Variants in MRC1 observed in about 807,000 individuals in gnomAD.
The protein encoded by MRC1 is mannose receptor C-type 1.
Under a neutral mutation model 102.9 loss-of-function variants are expected in MRC1, and 62 were observed. That is an observed-to-expected ratio of 0.60 (90% CI 0.49 to 0.74). The LOEUF is 0.74. Ranked by LOEUF, MRC1 falls within the 30% of genes least tolerant of loss-of-function variation. The pLI, the probability that MRC1 is intolerant of heterozygous loss-of-function variation, is 0.00. For missense variants in MRC1, 1,237 were observed against 862.8 expected (o/e 1.43, Z -5.43); for synonymous variants, 457 against 298.4 (o/e 1.53, Z -5.48).
At chr10:17,879,520 A>AT (rs1335359817) in intron 18 of MRC1, among the ~76,000 whole-genome samples, 6 of 151,566 alleles carry the variant, frequency 4.0e-5, no homozygotes, top group Non-Finnish European at 8.8e-5. Context: ...TGCCTGGCTA[A>AT]TTTTTTTTTA....
rs570875637 is a variant in MRC1 at position 17,815,688 on chromosome 10, A to G, written c.61+6162A>G. On this transcript the variant is annotated intron_variant, in intron 1 of 29. Transcript: ENST00000569591. ...GTCAGACCCATACTGGGTTCATATT[A>G]TGTACTTTTCCAAATGGCCAGTTGC... is the stretch of plus-strand genomic sequence containing the variant. Among the ~76,000 whole-genome samples the G allele has an allele frequency of 8.2e-3, 1,255 of 152,256 alleles. 24 individuals carry two copies. The highest frequency in any genetic ancestry group is 0.029 in the African/African-American group (1,205 of 41,534).
chr10:17,826,510 C>T (rs1554838666), intron 2 of MRC1, among the ~76,000 whole-genome samples: 1 of 136,140 alleles, frequency 7.3e-6, no homozygotes, highest in Non-Finnish European at 1.6e-5. Flanking sequence ...TTTTTCAAGT[C>T]GTAGAATCTG....
In MRC1 at chr10:17,823,339, G is replaced by T. The variant is rs781790477; in HGVS notation, c.327G>T (p.Gly109=). 7.7e-6 allele frequency: 6 copies of T among 780,848 alleles called. No homozygotes were observed. In the South Asian group the frequency reaches 8.0e-5, roughly 10 times the overall value. 48.4% of individuals were successfully genotyped at this position (780,848 alleles called of 1,614,324 possible). ...AGTGCAAAAATGACACACTTTTGGG[G>T]ATCAAAGGAGAAGATTTATTTTTTA... ...KWECKNDTLL[G]IKGEDLFFNY... is the part of the protein sequence containing the mutation. Residue 109 remains glycine, a synonymous_variant, in exon 2 of 30, where the codon GGG becomes GGT. Transcript: ENST00000569591.
chr10:17,885,775 G>A (rs1272585703), intron 22 of MRC1, among the ~76,000 whole-genome samples: 1 of 151,514 alleles, frequency 6.6e-6, no homozygotes, highest in East Asian at 2.0e-4. Context: ...TATTTGGGGT[G>A]TAGGCCTGGA....
intron 17 of MRC1, 148 bp downstream of exon 17, chr10:17,875,401 T>C (rs1833416297): frequency 1.5e-6 from 1 of 669,284 alleles, no homozygotes; most frequent in Non-Finnish European, 2.7e-6. Context: ...ATGTGTAGTC[T>C]TTTATCCCTC....
chr10:17,849,647 A>G lies in MRC1; in HGVS notation c.1132A>G (p.Arg378Gly), dbSNP rs142102307. 3.5e-4 allele frequency: 270 copies of G among 781,038 alleles called. 1 individual carries two copies. In the African/African-American group the frequency reaches 3.9e-3, roughly 11 times the overall value. The allele number at this position is 781,038 out of a possible 1,614,324, so 48.4% of individuals were successfully genotyped here. ...TGCCGGTCACTGTTACAAGATTCAC[A>G]GAGATGAGAAAAAAATCCAGAGGGA... is the stretch of plus-strand genomic sequence containing the variant. ...PYAGHCYKIHRDEKKIQRDAL... is the reference protein window; with the variant it reads ...PYAGHCYKIHGDEKKIQRDAL... The change falls in exon 7 of 30, where the codon AGA becomes GGA. Residue 378 changes from arginine (R) to glycine (G), a missense_variant. Physicochemically the swap from Arg to Gly is moderately radical, Grantham distance 125. Coordinates refer to ENST00000569591, the MANE Select transcript of MRC1 (RefSeq NM_002438.4).
intron 22 of MRC1, among the ~76,000 whole-genome samples, chr10:17,887,186 G>A (rs1259234312): frequency 1.3e-5 from 2 of 152,028 alleles, no homozygotes; most frequent in African/African-American, 4.8e-5. Flanking sequence ...TCAGGAGATC[G>A]AGACCATCCT....
chr10:17,855,625 A>G (rs1353732415), intron 8 of MRC1, among the ~76,000 whole-genome samples: 1 of 148,172 alleles, frequency 6.7e-6, no homozygotes, highest in Non-Finnish European at 1.5e-5. Flanking sequence ...TCTTGCGAGC[A>G]CCGTCATCCA....
Position 17,906,930 on chromosome 10 carries a change from C to T in MRC1, c.3844C>T (p.Leu1282=). ...TGAAAGTGCTGCAGAATCCAGTTTT[C>T]TGTCATATCGGGTTGAGCCACTTAA... ...SIESAAESSF[L]SYRVEPLKSK... is the part of the protein sequence containing the mutation. The change falls in exon 27 of 30, where the codon CTG becomes TTG. Residue 1282 remains leucine (L), a synonymous_variant. Transcript: ENST00000569591. The T allele has an allele frequency of 2.4e-6, 2 of 822,858 alleles. No individual in the cohort carries two copies. The highest frequency in any genetic ancestry group is 4.4e-6 in the Non-Finnish European group (2 of 456,560). 51.0% of individuals were successfully genotyped at this position (822,858 alleles called of 1,614,324 possible).
chr10:17,880,164 T>G (rs1589189844), intron 19 of MRC1, among the ~76,000 whole-genome samples: 1 of 152,348 alleles, frequency 6.6e-6, no homozygotes, highest in East Asian at 1.9e-4. Context: ...TGACACAATC[T>G]ATCAATTGTT....
intron 2 of MRC1, among the ~76,000 whole-genome samples, chr10:17,826,699 T>C (rs1180197140): frequency 2.0e-5 from 3 of 152,260 alleles, no homozygotes; most frequent in Non-Finnish European, 4.4e-5. Context: ...CTTAACCTTT[T>C]TGGCTTAAGC....
intron 29 of MRC1, 64 bp downstream of exon 29, chr10:17,909,411 G>A (rs1833939225): frequency 1.2e-5 from 10 of 815,916 alleles, no homozygotes; most frequent in Non-Finnish European, 2.0e-5. Flanking sequence ...TGTTTTAAAA[G>A]GCATAATCAT....
At chr10:17,833,526 A>T in intron 3 of MRC1, 149 bp from the exon 4 acceptor site, 1 of 675,142 alleles carries the variant, frequency 1.5e-6, no homozygotes, top group Non-Finnish European at 2.7e-6. Context: ...GTCTCAAAAA[A>T]AAAAAAAAAA....
chr10:17,888,414 C>T (rs1205005771), intron 22 of MRC1, among the ~76,000 whole-genome samples: 1 of 152,162 alleles, frequency 6.6e-6, no homozygotes, highest in Admixed American at 6.5e-5. Flanking sequence ...TTCACTGTAG[C>T]TCAAGGGATG....
At chr10:17,844,940 C>T (rs528516821) in intron 5 of MRC1, among the ~76,000 whole-genome samples, 2 of 152,198 alleles carry the variant, frequency 1.3e-5, no homozygotes, top group African/African-American at 4.8e-5. Flanking sequence ...CATAATCATG[C>T]ATTCTTTTCA....
intron 22 of MRC1, among the ~76,000 whole-genome samples, chr10:17,892,384 C>T (rs960641214): frequency 3.3e-5 from 5 of 152,206 alleles, no homozygotes; most frequent in Non-Finnish European, 7.3e-5. Flanking sequence ...TACCTCAATA[C>T]TTGTTCCCTT....
chr10:17,853,598 GTGTATA>G (rs1167385149), intron 8 of MRC1, among the ~76,000 whole-genome samples: 5,042 of 144,058 alleles, frequency 0.035, 136 homozygotes, highest in African/African-American at 0.077. Flanking sequence ...GTGTGTGTGT[GTGTATA>G]TATATATATA....
chr10:17,907,849 A>C (rs578113629), intron 28 of MRC1, 151 bp downstream of exon 28: 1 of 701,120 alleles, frequency 1.4e-6, no homozygotes, highest in South Asian at 1.7e-5. Flanking sequence ...GTTGTAGTTC[A>C]TTACTGTTTG....
chr10:17,875,043 G>A, intron 16 of MRC1, 47 bp from the exon 17 acceptor site: 1 of 780,568 alleles, frequency 1.3e-6, no homozygotes, highest in East Asian at 2.4e-5. Context: ...CCAGATTCTT[G>A]AATTTGTCTG....
Sources: gnomAD v4.1 joint callset for allele counts (sites outside exome capture counted in the v4.1 genomes callset) on GRCh38, gnomAD v4.1.1 for gene constraint, MANE v1.5 for transcripts, NCBI Gene and HGNC (gene_info 2026-07-23, HGNC 2026-07-21) for gene names.